The following NEK7 variants were observed in gnomAD, a reference collection of about 807,000 sequenced individuals.
NEK7 encodes the protein serine/threonine-protein kinase Nek7.
NEK7 carries 18 observed loss-of-function variants against 44.6 expected under a neutral mutation model. The observed-to-expected ratio is 0.40, with a 90% CI of 0.28 to 0.60. The LOEUF is 0.60. Ranked by LOEUF, NEK7 falls within the 20% of genes least tolerant of loss-of-function variation. The probability of loss-of-function intolerance (pLI) is 0.38; values close to 1 mark genes in which losing one functional copy is unlikely to be tolerated. For missense variants in NEK7, 256 were observed against 366.5 expected (o/e 0.70, Z 2.46); for synonymous variants, 130 against 121.1 (o/e 1.07, Z -0.48).
intron 3 of NEK7, 122 bp downstream of exon 3, chr1:198,253,302 G>A (rs1243728216): frequency 9.8e-6 from 6 of 614,408 alleles, no homozygotes; most frequent in Non-Finnish European, 1.6e-5. Flanking sequence ...GGGAAAGATT[G>A]AACGTTGTAT....
intron 9 of NEK7, among the ~76,000 whole-genome samples, chr1:198,305,040 A>G (rs184278427): frequency 6.6e-6 from 1 of 152,242 alleles, no homozygotes; most frequent in East Asian, 1.9e-4. Flanking sequence ...CAAAGTAGAC[A>G]TTTTTTACAA....
At chr1:198,261,660 A>AT (rs372724130) in intron 3 of NEK7, among the ~76,000 whole-genome samples, 10 of 151,612 alleles carry the variant, frequency 6.6e-5, no homozygotes, top group Admixed American at 2.6e-4. Context: ...ACTGACTTAG[A>AT]TTTTTTTTGC....
At position 198,317,877 on chromosome 1, in the gene NEK7, A is replaced by ATTTTTT. The variant is rs34704209; in HGVS notation, c.799-1517_799-1512dup. 5.6e-3 allele frequency among the ~76,000 whole-genome samples: 390 copies of ATTTTTT among 70,026 alleles called. 10 individuals carry two copies. Among genetic ancestry groups the ATTTTTT allele is most frequent in the East Asian group, 0.016 (31 of 1,992 alleles). 45.9% of individuals were successfully genotyped at this position (70,026 alleles called of 152,430 possible). ...GCATTGTGTATTACTGGATATATTTATTTTTTTTTTTTTTTTTTTTTTTGG... is the reference window on the plus strand; with the variant it reads ...GCATTGTGTATTACTGGATATATTTATTTTTTTTTTTTTTTTTTTTTTTTTTTTTGG... On this transcript the variant is annotated intron_variant, in intron 9 of 9. Coordinates refer to ENST00000367385, the MANE Select transcript of NEK7 (RefSeq NM_133494.3).
chr1:198,287,232 G>A (rs941000250), intron 7 of NEK7, among the ~76,000 whole-genome samples: 36 of 151,990 alleles, frequency 2.4e-4, no homozygotes, highest in African/African-American at 8.2e-4. Context: ...CTGTAATCCC[G>A]GCACTTTGGG....
At chr1:198,293,159 G>A in intron 8 of NEK7, 120 bp downstream of exon 8, 1 of 578,778 alleles carries the variant, frequency 1.7e-6, no homozygotes, top group South Asian at 2.8e-5. Context: ...TAATTGTGAA[G>A]AATTTTCGTT....
chr1:198,313,618 C>CT (rs1655259290), intron 9 of NEK7, among the ~76,000 whole-genome samples: 1 of 137,166 alleles, frequency 7.3e-6, no homozygotes, highest in Non-Finnish European at 1.5e-5. Context: ...TTCAGGAGCT[C>CT]TTTTAGGGCA....
chr1:198,195,011 C>T (rs1021850066), intron 1 of NEK7, among the ~76,000 whole-genome samples: 5 of 151,942 alleles, frequency 3.3e-5, no homozygotes, highest in African/African-American at 9.7e-5. Flanking sequence ...AGCCTTTTGA[C>T]TTTTTAATAG....
rs180816900 is a variant in NEK7, at chr1:198,320,811, A to G, written c.*1289A>G. The G allele has an allele frequency of 7.9e-5, 12 of 152,344 alleles. No homozygotes were observed. The highest frequency in any genetic ancestry group is 4.6e-4 in the Admixed American group (7 of 15,294). 9.4% of individuals were successfully genotyped at this position (152,344 alleles called of 1,614,324 possible). A position where few individuals can be genotyped will look rare whatever the true frequency, so the allele number is the denominator to read the frequency against. On this transcript the variant is annotated 3_prime_UTR_variant, in exon 10 of 10. Transcript: ENST00000367385. ...CAGCCAGAACTGTTATGAGATTAAC[A>G]TTTCTATTGAGAAGCTTTTGAGTAA...
At chr1:198,211,670 T>C (rs556238085) in intron 1 of NEK7, among the ~76,000 whole-genome samples, 42 of 152,324 alleles carry the variant, frequency 2.8e-4, no homozygotes, top group Non-Finnish European at 5.3e-4. Flanking sequence ...AATGTTCTAT[T>C]TTCTGGTGTT....
At chr1:198,263,080 G>C (rs556053319) in intron 4 of NEK7, among the ~76,000 whole-genome samples, 3 of 152,008 alleles carry the variant, frequency 2.0e-5, no homozygotes, top group African/African-American at 7.2e-5. Context: ...TGCATGTAAA[G>C]AGTATGCCAG....
rs189943114 is a variant in NEK7 at position 198,223,842 on chromosome 1, A to G, written c.-28-8711A>G. Reference sequence around the variant, plus strand: ...TAATGTGATTTTTTTTAATGGTATAATGAAATAGCCAACATTTAGAAGATC... The same window carrying G: ...TAATGTGATTTTTTTTAATGGTATAGTGAAATAGCCAACATTTAGAAGATC... On this transcript the variant is annotated intron_variant, in intron 1 of 9. Transcript: ENST00000367385. Among the ~76,000 whole-genome samples, 146 of 152,232 alleles carry G rather than the reference A, an allele frequency of 9.6e-4. 1 individual carries two copies. Among genetic ancestry groups the G allele is most frequent in the African/African-American group, 3.4e-3 (142 of 41,530 alleles).
At chr1:198,160,312 G>A (rs1181875176) in intron 1 of NEK7, among the ~76,000 whole-genome samples, 1 of 146,324 alleles carries the variant, frequency 6.8e-6, no homozygotes, top group East Asian at 2.1e-4. Context: ...TGTTTCCCTT[G>A]ATTTTTTTTT....
intron 1 of NEK7, among the ~76,000 whole-genome samples, chr1:198,176,209 C>G (rs1397287621): frequency 2.0e-5 from 3 of 152,170 alleles, no homozygotes; most frequent in Non-Finnish European, 4.4e-5. Flanking sequence ...CAAATAGATT[C>G]AGCCCTTGAG....
chr1:198,180,099 T>C (rs7524329), intron 1 of NEK7, among the ~76,000 whole-genome samples: 86,021 of 151,866 alleles, frequency 0.57, 28,081 homozygotes, highest in East Asian at 0.9. Context: ...TATTGATGCT[T>C]ATTTTGCTAG....
At chr1:198,299,894 C>T (rs1222427538) in intron 9 of NEK7, among the ~76,000 whole-genome samples, 2 of 152,066 alleles carry the variant, frequency 1.3e-5, no homozygotes, top group Admixed American at 6.5e-5. Context: ...CTAAAACATA[C>T]ATAACAATTA....
chr1:198,303,228 C>T (rs1038246051), intron 9 of NEK7, among the ~76,000 whole-genome samples: 2 of 151,952 alleles, frequency 1.3e-5, no homozygotes, highest in African/African-American at 4.8e-5. Flanking sequence ...ATATGTTGAT[C>T]CATAATATAT....
rs185464009 is a variant in NEK7 at position 198,313,771 on chromosome 1, C to T, written c.799-5641C>T. On this transcript the variant is annotated intron_variant, in intron 9 of 9. Transcript: ENST00000367385. ...TTAAGAATGTTGAATATTGGCCCCA[C>T]TCTCTTCTGGCTTGTAGAGTTTCTG... Among the ~76,000 whole-genome samples, 986 of 142,376 alleles carry T rather than the reference C, an allele frequency of 6.9e-3. 6 individuals are homozygous for T. Among genetic ancestry groups the T allele is most frequent in the Non-Finnish European group, 0.01 (675 of 66,166 alleles). 93.4% of individuals were successfully genotyped at this position (142,376 alleles called of 152,430 possible).
intron 1 of NEK7, among the ~76,000 whole-genome samples, chr1:198,176,529 G>C (rs563996657): frequency 6.6e-6 from 1 of 152,078 alleles, no homozygotes; most frequent in South Asian, 2.1e-4. Context: ...AGGAGATTAT[G>C]TTTTATTCAT....
intron 1 of NEK7, among the ~76,000 whole-genome samples, chr1:198,229,396 G>T (rs1389362884): frequency 6.6e-6 from 1 of 152,140 alleles, no homozygotes; most frequent in African/African-American, 2.4e-5. Flanking sequence ...TCTGTGAGCC[G>T]CTCTGGCAAA....
Sources: gnomAD v4.1 joint callset for allele counts (sites outside exome capture counted in the v4.1 genomes callset) on GRCh38, gnomAD v4.1.1 for gene constraint, MANE v1.5 for transcripts, NCBI Gene and HGNC (gene_info 2026-07-23, HGNC 2026-07-21) for gene names.